The following CDC37L1 variants were observed in gnomAD, a reference collection of about 807,000 sequenced individuals.
CDC37L1 encodes the protein hsp90 co-chaperone Cdc37-like 1.
CDC37L1 carries 32 observed loss-of-function variants against 45.9 expected under a neutral mutation model. That is an observed-to-expected ratio of 0.70 (90% confidence interval 0.53 to 0.94). The LOEUF (loss-of-function observed/expected upper bound fraction) is 0.94, where lower values mean the gene tolerates loss of function less well. Ranked by LOEUF, CDC37L1 falls within the 40% of genes least tolerant of loss-of-function variation. The pLI is 0.00. For synonymous variants in CDC37L1, 150 were observed against 133.0 expected, an observed-to-expected ratio of 1.13 and a Z score of -0.88; for missense variants, 434 against 405.7, an observed-to-expected ratio of 1.07 and a Z score of -0.60.
rs561935368 is a variant in CDC37L1, at chr9:4,706,251, T to A, written c.*139T>A. ...GGAGGGAAAGAGTACTGAAATGTTT[T>A]GTAAATTTTTTTTAATGTGCTGCTA... On this transcript the variant is annotated 3_prime_UTR_variant, in exon 7 of 7. Coordinates refer to ENST00000381854, the MANE Select transcript of CDC37L1 (RefSeq NM_017913.4). 3 of 474,328 alleles carry A rather than the reference T, an allele frequency of 6.3e-6. No homozygotes were observed. The South Asian group carries it at 1.3e-4, about 21-fold the overall frequency. 29.4% of individuals were successfully genotyped at this position (474,328 alleles called of 1,614,324 possible).
At chr9:4,680,906 T>C (rs962689830) in intron 1 of CDC37L1, among the ~76,000 whole-genome samples, 13 of 152,380 alleles carry the variant, frequency 8.5e-5, no homozygotes, top group Middle Eastern at 3.4e-3. Context: ...ATCAATCTTA[T>C]GTCCAGCTAA....
At chr9:4,686,142 G>A (rs1418303705) in intron 2 of CDC37L1, among the ~76,000 whole-genome samples, 1 of 152,162 alleles carries the variant, frequency 6.6e-6, no homozygotes, top group Non-Finnish European at 1.5e-5. Flanking sequence ...CTACACTCCA[G>A]CCTGGGCAAC....
chr9:4,697,830 G>T lies in CDC37L1; in HGVS notation c.698G>T (p.Cys233Phe), dbSNP rs886116751. The T allele has an allele frequency of 2.5e-6, 4 of 1,612,618 alleles. No individual in the cohort carries two copies. Among genetic ancestry groups the T allele is most frequent in the East Asian group, 4.5e-5 (2 of 44,818 alleles). Residue 233 changes from cysteine to phenylalanine, a missense_variant, in exon 5 of 7, where the codon TGT (cysteine) becomes TTT (phenylalanine). Coordinates refer to ENST00000381854, the MANE Select transcript of CDC37L1 (RefSeq NM_017913.4). ...TTTATTATGGAAATGGCCAAAAACTGTAATGTGGATCCAAGAGGGTGTTTT... is the reference window on the plus strand; with the variant it reads ...TTTATTATGGAAATGGCCAAAAACTTTAATGTGGATCCAAGAGGGTGTTTT... ...MQFIMEMAKNCNVDPRGCFRL... is the reference protein window; with the variant it reads ...MQFIMEMAKNFNVDPRGCFRL...
At chr9:4,697,488 C>T (rs1841358843) in intron 4 of CDC37L1, among the ~76,000 whole-genome samples, 1 of 151,970 alleles carries the variant, frequency 6.6e-6, no homozygotes, top group Admixed American at 6.5e-5. Context: ...TAATCCTTTT[C>T]AAACTAATTT....
intron 1 of CDC37L1, among the ~76,000 whole-genome samples, chr9:4,682,059 G>A (rs868141482): frequency 8.6e-5 from 13 of 151,830 alleles, no homozygotes; most frequent in South Asian, 2.1e-4. Context: ...AGAATTTTTC[G>A]ATTTGAGAAA....
intron 1 of CDC37L1, among the ~76,000 whole-genome samples, chr9:4,681,505 G>A (rs1463291182): frequency 6.6e-6 from 1 of 152,144 alleles, no homozygotes; most frequent in Non-Finnish European, 1.5e-5. Context: ...TCAGCCTGGT[G>A]TGGTGGCGCA....
chr9:4,704,565 TGGAGC>T (rs1415336937), intron 6 of CDC37L1, among the ~76,000 whole-genome samples: 3 of 152,230 alleles, frequency 2.0e-5, no homozygotes, highest in Non-Finnish European at 4.4e-5. Flanking sequence ...CATGGAAAAC[TGGAGC>T]CCAGTCTTAA....
At position 4,702,012 on chromosome 9, in the gene CDC37L1, T is replaced by A; in HGVS notation, c.896T>A (p.Leu299Ter). Reference sequence around the variant, plus strand: ...TCTGGTGTTGGATCTATAGGTTTATTAGAATCCTTACCACAGGTAAGTTGG... The same window carrying A: ...TCTGGTGTTGGATCTATAGGTTTATAAGAATCCTTACCACAGGTAAGTTGG... ...PHSGVGSIGLLESLPQNPDYL... is the reference protein window; with the variant it reads ...PHSGVGSIGL The change falls in exon 6 of 7, where the codon TTA (leucine) becomes TAA (stop). Residue 299 changes from leucine to a stop codon, truncating the protein, a stop_gained. Transcript: ENST00000381854. LOFTEE classifies it high-confidence loss of function. 5 of 1,449,914 alleles carry A rather than the reference T, an allele frequency of 3.4e-6. No homozygotes were observed. Among genetic ancestry groups the A allele is most frequent in the Non-Finnish European group, 4.6e-6 (5 of 1,094,716 alleles). The allele number at this position is 1,449,914 out of a possible 1,614,324, so 89.8% of individuals were successfully genotyped here.
In CDC37L1 at chr9:4,684,898, T is replaced by C. The variant is rs1841232316; in HGVS notation, c.154T>C (p.Leu52=). 1 of 1,612,624 alleles carries C rather than the reference T, an allele frequency of 6.2e-7. No homozygotes were observed. Among genetic ancestry groups the C allele is most frequent in the Middle Eastern group, 1.7e-4 (1 of 6,060 alleles). Residue 52 remains leucine (L), a synonymous_variant, in exon 2 of 7, where the codon TTG becomes CTG. Transcript: ENST00000381854. ...CCAGATGTATAGCCATGGAATTGAA[T>C]TGGCTTGCCAAAAGCAGAAAGAGTT... The part of the protein sequence containing the change: ...GAQMYSHGIE[L]ACQKQKEFVK...
chr9:4,688,628 C>A, intron 3 of CDC37L1, 22 bp downstream of exon 3: 2 of 1,394,000 alleles, frequency 1.4e-6, no homozygotes, highest in Admixed American at 2.4e-5. Context: ...ACTTGGATTT[C>A]CTTCTTTGTA....
intron 1 of CDC37L1, among the ~76,000 whole-genome samples, chr9:4,680,500 A>T (rs1164515984): frequency 6.6e-6 from 1 of 152,174 alleles, no homozygotes; most frequent in Non-Finnish European, 1.5e-5. Context: ...GTCATTCTCC[A>T]GTGAAAATAT....
chr9:4,687,192 G>T (rs1175967584), intron 2 of CDC37L1, among the ~76,000 whole-genome samples: 1 of 152,142 alleles, frequency 6.6e-6, no homozygotes, highest in East Asian at 1.9e-4. Context: ...ATTTTTGGCA[G>T]TGATGATAAC....
At chr9:4,682,699 C>T (rs1314480275) in intron 1 of CDC37L1, among the ~76,000 whole-genome samples, 1 of 151,388 alleles carries the variant, frequency 6.6e-6, no homozygotes, top group African/African-American at 2.4e-5. Flanking sequence ...TTTCGAACTC[C>T]TGACCTCAGG....
At position 4,704,296 on chromosome 9, in the gene CDC37L1, C is replaced by G. The variant is rs558197935; in HGVS notation, c.913-1715C>G. 7.2e-5 allele frequency among the ~76,000 whole-genome samples: 11 copies of G among 152,198 alleles called. No individual in the cohort carries two copies. The South Asian group carries it at 2.3e-3, about 32-fold the overall frequency. On this transcript the variant is annotated intron_variant, in intron 6 of 6. Coordinates refer to ENST00000381854, the MANE Select transcript of CDC37L1 (RefSeq NM_017913.4). ...GAGGTCAACACAATAAGTGATGAAT[C>G]TAATATTCTACTTTTGGATTTCTAT... is the stretch of plus-strand genomic sequence containing the variant.
At chr9:4,680,037 A>G in intron 1 of CDC37L1, 138 bp downstream of exon 1, 1 of 1,108,918 alleles carries the variant, frequency 9.0e-7, no homozygotes, top group Non-Finnish European at 1.3e-6. Context: ...CTGGGACCTG[A>G]CGCCTGATGC....
In CDC37L1 at chr9:4,679,888, G is replaced by C; in HGVS notation, c.121G>C (p.Gly41Arg). 1.2e-6 allele frequency: 2 copies of C among 1,613,830 alleles called. No individual in the cohort carries two copies. The highest frequency in any genetic ancestry group is 1.6e-4 in the Middle Eastern group (1 of 6,062). ...SSPRCPQLPG[G>R]GAQMYSHGIE... ...TCCCCGCTGCCCGCAGCTGCCAGGC[G>C]GCGGCGCCCAGGTGAGAAGGGGCCT... The change falls in exon 1 of 7, where the codon GGC becomes CGC. Residue 41 changes from glycine (G) to arginine (R), a missense_variant. By Grantham distance (125) the Gly-to-Arg change is moderately radical. Transcript: ENST00000381854.
At chr9:4,697,989 T>C in intron 5 of CDC37L1, 110 bp downstream of exon 5, 1 of 987,268 alleles carries the variant, frequency 1.0e-6, no homozygotes, top group Non-Finnish European at 1.5e-6. Flanking sequence ...CAGGCTAAAT[T>C]CTGTAGATTT....
chr9:4,704,501 G>T (rs570976436), intron 6 of CDC37L1, among the ~76,000 whole-genome samples: 1 of 152,226 alleles, frequency 6.6e-6, no homozygotes, highest in South Asian at 2.1e-4. Flanking sequence ...TAGGAAGATG[G>T]GTGGATGAGT....
intron 2 of CDC37L1, 93 bp downstream of exon 2, chr9:4,685,251 CCATAAA>C: frequency 1.0e-6 from 1 of 957,256 alleles, no homozygotes; most frequent in South Asian, 1.6e-5. Flanking sequence ...CAGCAGAATC[CCATAAA>C]CAGTGTTCAA....
Sources: allele counts gnomAD v4.1 joint callset (sites outside exome capture counted in the v4.1 genomes callset), GRCh38; gene constraint gnomAD v4.1.1; transcripts MANE v1.5; gene names NCBI Gene and HGNC (gene_info 2026-07-23, HGNC 2026-07-21).